PREX1: variants seen among roughly 807,000 people sequenced by gnomAD.
The protein encoded by PREX1 is phosphatidylinositol 3,4,5-trisphosphate-dependent Rac exchanger 1 protein.
In PREX1, 41 loss-of-function variants were observed where a neutral mutation model predicts 198.3. The observed-to-expected ratio is 0.21, with a 90% confidence interval of 0.16 to 0.27. The LOEUF (loss-of-function observed/expected upper bound fraction) is 0.27. Among genes scored for constraint, PREX1 ranks in the 10% least tolerant of loss-of-function variants. The pLI is 1.00. For synonymous variants in PREX1, 843 were observed against 887.2 expected, an observed-to-expected ratio of 0.95 and a Z score of 0.89; for missense variants, 1,620 against 2,200.7, an observed-to-expected ratio of 0.74 and a Z score of 5.28.
At chr20:48,804,637 A>C (rs1319545195) in intron 1 of PREX1, among the ~76,000 whole-genome samples, 2 of 152,208 alleles carry the variant, frequency 1.3e-5, no homozygotes, top group African/African-American at 4.8e-5. Context: ...CGCAGGGTAC[A>C]TGTGGAGAAC....
At chr20:48,672,186 T>G (rs769003251) in intron 14 of PREX1, among the ~76,000 whole-genome samples, 12 of 152,206 alleles carry the variant, frequency 7.9e-5, no homozygotes, top group Non-Finnish European at 1.5e-4. Flanking sequence ...GGCCTGAGCC[T>G]CCCGCACACC....
intron 1 of PREX1, among the ~76,000 whole-genome samples, chr20:48,751,008 C>T (rs2090131828): frequency 6.6e-6 from 1 of 152,232 alleles, no homozygotes; most frequent in East Asian, 1.9e-4. Flanking sequence ...TGAATGGAAG[C>T]TCCCTGAAGG....
intron 1 of PREX1, among the ~76,000 whole-genome samples, chr20:48,759,336 G>A (rs1032754665): frequency 2.6e-5 from 4 of 151,968 alleles, no homozygotes; most frequent in Non-Finnish European, 5.9e-5. Flanking sequence ...GATCACCTGA[G>A]GTCAGGAGTT....
chr20:48,837,247 GTGGGAAGCAGTGTGGCGA>G, the PREX1 span, among the ~76,000 whole-genome samples: 10 of 152,232 alleles, frequency 6.6e-5, no homozygotes, highest in African/African-American at 2.4e-4. Flanking sequence ...TTTAACCACT[GTGGGAAGCAGTGTGGCGA>G]TTCCTCAAAG....
intron 30 of PREX1, 25 bp downstream of exon 30, chr20:48,639,741 T>C: frequency 6.2e-7 from 1 of 1,612,098 alleles, no homozygotes; most frequent in Non-Finnish European, 8.5e-7. Flanking sequence ...CTCCCCACCA[T>C]GATGCACCCT....
In PREX1 at chr20:48,666,371, A is replaced by T. The variant is rs1300125928; in HGVS notation, c.1666-16T>A. 1 of 1,547,392 alleles carries T rather than the reference A, an allele frequency of 6.5e-7. No individual in the cohort carries two copies. The highest frequency in any genetic ancestry group is 8.7e-7 in the Non-Finnish European group (1 of 1,145,370). ...GGCAGTCTCCCTGGAATGGAACAAG[A>T]AGGGGAGGGTGTTAGGTGGCAGCAT... On this transcript the variant is annotated splice_polypyrimidine_tract_variant and intron_variant, in intron 14 of 39. Coordinates refer to ENST00000371941, the MANE Select transcript of PREX1 (RefSeq NM_020820.4). This position sits in a 1 kb window ranked among gnomAD's most constrained non-coding sequence, Gnocchi z 4.3.
In PREX1 at chr20:48,770,518, C is replaced by T. The variant is rs535620353; in HGVS notation, c.220-22638G>A. Among the ~76,000 whole-genome samples, 3 of 152,282 alleles carry T rather than the reference C, an allele frequency of 2.0e-5. No individual in the cohort carries two copies. The East Asian group carries it at 5.8e-4, about 29-fold the overall frequency. On this transcript the variant is annotated intron_variant, in intron 1 of 39. Coordinates refer to ENST00000371941, the MANE Select transcript of PREX1 (RefSeq NM_020820.4). Reference sequence around the variant, plus strand: ...CTGAGGTCAGGAGTTCGAGACCAGCCTGGCCAACAAGGCAAAACCCCATCT... The same window carrying T: ...CTGAGGTCAGGAGTTCGAGACCAGCTTGGCCAACAAGGCAAAACCCCATCT...
At chr20:48,818,360 A>G (rs949161256) in intron 1 of PREX1, among the ~76,000 whole-genome samples, 2 of 152,206 alleles carry the variant, frequency 1.3e-5, no homozygotes, top group Non-Finnish European at 2.9e-5. Context: ...CTTTATGGGG[A>G]AAAAGGAGTA....
intron 4 of PREX1, among the ~76,000 whole-genome samples, chr20:48,728,192 A>G (rs1392236029): frequency 6.6e-6 from 1 of 152,236 alleles, no homozygotes; most frequent in African/African-American, 2.4e-5. Context: ...GCACAGTTCC[A>G]AGCACTGGGG....
chr20:48,648,946 A>C (rs990219330), intron 25 of PREX1, among the ~76,000 whole-genome samples: 4 of 152,080 alleles, frequency 2.6e-5, no homozygotes, highest in African/African-American at 9.7e-5. Flanking sequence ...CCTCCTTTCT[A>C]TGATGTTAAA....
chr20:48,706,533 A>T (rs905805458), intron 6 of PREX1, among the ~76,000 whole-genome samples: 2 of 152,162 alleles, frequency 1.3e-5, no homozygotes, highest in African/African-American at 4.8e-5. Context: ...GCTTCTAGAA[A>T]AGGTTTTCCT....
At chr20:48,863,302 T>G in the PREX1 span, among the ~76,000 whole-genome samples, 1 of 152,190 alleles carries the variant, frequency 6.6e-6, no homozygotes, top group Admixed American at 6.5e-5. Flanking sequence ...TATTATTAAC[T>G]AAGGCCCATA....
intron 1 of PREX1, among the ~76,000 whole-genome samples, chr20:48,809,945 C>G (rs2090427075): frequency 6.6e-6 from 1 of 152,194 alleles, no homozygotes; most frequent in African/African-American, 2.4e-5. Flanking sequence ...GATTCGCACC[C>G]TCTAAGAGAG....
At chr20:48,777,360 A>G (rs1401997973) in intron 1 of PREX1, among the ~76,000 whole-genome samples, 1 of 152,128 alleles carries the variant, frequency 6.6e-6, no homozygotes, top group African/African-American at 2.4e-5. Context: ...TTTCGCTGGA[A>G]TCCCAAACCC....
chr20:48,723,550 C>T (rs964981447), intron 5 of PREX1, among the ~76,000 whole-genome samples: 6 of 152,184 alleles, frequency 3.9e-5, no homozygotes, highest in Non-Finnish European at 8.8e-5. Flanking sequence ...CACCCCCCAC[C>T]CCACAATCTC....
chr20:48,878,772 C>T, the PREX1 span, among the ~76,000 whole-genome samples: 1 of 152,220 alleles, frequency 6.6e-6, no homozygotes, highest in Non-Finnish European at 1.5e-5. Flanking sequence ...GAACATCCAA[C>T]AGCATTCCAG....
chr20:48,685,901 C>CAAAAAAAAAAAAAAAA (rs1387711158), intron 10 of PREX1, among the ~76,000 whole-genome samples: 33 of 139,510 alleles, frequency 2.4e-4, no homozygotes, highest in South Asian at 5.0e-4. Context: ...CTCTAAAAAC[C>CAAAAAAAAAAAAAAAA]AAAAGATAAA....
the PREX1 span, among the ~76,000 whole-genome samples, chr20:48,882,433 T>C: frequency 0.67 from 97,321 of 144,642 alleles, 32,470 homozygotes; most frequent in Non-Finnish European, 0.7. Flanking sequence ...ACCCAGGAGG[T>C]GGAGCTTGCA....
At chr20:48,812,741 C>A (rs1474035788) in intron 1 of PREX1, among the ~76,000 whole-genome samples, 1 of 152,146 alleles carries the variant, frequency 6.6e-6, no homozygotes, top group Non-Finnish European at 1.5e-5. Context: ...GGGCCACTGA[C>A]CACACAGCAG....
Sources: gnomAD v4.1 joint callset for allele counts (sites outside exome capture counted in the v4.1 genomes callset) on GRCh38, gnomAD v4.1.1 for gene constraint, Gnocchi (gnomAD v3.1) non-coding constraint, MANE v1.5 for transcripts, NCBI Gene and HGNC (gene_info 2026-07-23, HGNC 2026-07-21) for gene names.